Variants in CPNE1 observed in about 807,000 individuals in gnomAD.
CPNE1 encodes copine 1.
CPNE1 carries 58 observed loss-of-function variants against 63.2 expected under a neutral mutation model. The observed-to-expected ratio is 0.92, with a 90% CI of 0.74 to 1.14. The LOEUF (loss-of-function observed/expected upper bound fraction) is 1.14, where lower values mean the gene tolerates loss of function less well. Ranked by LOEUF, CPNE1 falls within the 50% of genes most tolerant of loss-of-function variation. The pLI is 0.00. For missense variants in CPNE1, 672 were observed against 661.7 expected, an observed-to-expected ratio of 1.02 and a Z score of -0.17; for synonymous variants, 237 against 249.0, an observed-to-expected ratio of 0.95 and a Z score of 0.45.
intron 13 of CPNE1, among the ~76,000 whole-genome samples, chr20:35,630,169 C>T (rs2032023475): frequency 6.6e-6 from 1 of 152,212 alleles, no homozygotes; most frequent in Admixed American, 6.5e-5. Context: ...TGGCAAGCGA[C>T]TGTAGTCCCA....
chr20:35,627,253 AC>A lies in CPNE1; in HGVS notation c.1236+26del, dbSNP rs1480691421. The A allele has an allele frequency of 1.9e-6, 3 of 1,572,538 alleles. No homozygotes were observed. In the African/African-American group the frequency reaches 4.2e-5, roughly 22 times the overall value. ...CTCAAGGAAGCCCTTGATTGCCACC[AC>A]TGCCACTGCCACCCACGACTCTCAC... On this transcript the variant is annotated intron_variant, in intron 14 of 15. Transcript: ENST00000397443.
At chr20:35,662,040 A>C (rs1281383119) in intron 1 of CPNE1, among the ~76,000 whole-genome samples, 1 of 152,188 alleles carries the variant, frequency 6.6e-6, no homozygotes, top group Admixed American at 6.5e-5. Flanking sequence ...TTTGTTCCCC[A>C]TTCCCAAATG....
chr20:35,635,003 CA>C (rs1459023192), intron 1 of CPNE1, among the ~76,000 whole-genome samples: 1 of 151,260 alleles, frequency 6.6e-6, no homozygotes, highest in Non-Finnish European at 1.5e-5. Context: ...CTCAGCCTCC[CA>C]AAGTCCTGGC....
intron 1 of CPNE1, among the ~76,000 whole-genome samples, chr20:35,634,345 A>G (rs2032360935): frequency 6.7e-6 from 1 of 149,254 alleles, no homozygotes; most frequent in Non-Finnish European, 1.5e-5. Flanking sequence ...GCTTAGAAAA[A>G]CTCCAAACTT....
intron 1 of CPNE1, among the ~76,000 whole-genome samples, chr20:35,643,994 GATTAAA>G: frequency 6.6e-6 from 1 of 152,224 alleles, no homozygotes; most frequent in South Asian, 2.1e-4. Flanking sequence ...AAGCATCCAT[GATTAAA>G]ACATCTTTGT....
intron 1 of CPNE1, chr20:35,651,368 T>G (rs567498101): frequency 6.6e-6 from 1 of 152,218 alleles, no homozygotes; most frequent in South Asian, 2.1e-4. Flanking sequence ...GCTGCACTTG[T>G]ACTCTGTATG....
intron 1 of CPNE1, among the ~76,000 whole-genome samples, chr20:35,662,850 C>T (rs2034309671): frequency 6.6e-6 from 1 of 152,176 alleles, no homozygotes; most frequent in Non-Finnish European, 1.5e-5. Context: ...CTGGTATTAG[C>T]ATGTAACAAT....
chr20:35,649,933 T>C (rs926705691), intron 1 of CPNE1: 2 of 152,472 alleles, frequency 1.3e-5, no homozygotes, highest in African/African-American at 4.8e-5. Context: ...AAATCCTTCA[T>C]ACCATACAAA....
At chr20:35,663,047 CTTCA>C (rs1601502246) in intron 1 of CPNE1, among the ~76,000 whole-genome samples, 1 of 152,188 alleles carries the variant, frequency 6.6e-6, no homozygotes, top group Non-Finnish European at 1.5e-5. Context: ...CTAAGCACAT[CTTCA>C]TTGTTTTGTA....
rs1373402579 is a variant in CPNE1, at chr20:35,645,074, T to TA, written c.1-12152_1-12151insT. Reference sequence around the variant, plus strand: ...CAACAGTACTATACCGCCTTCCTGATGATCTCCAGGACTGAGGCATCACCA... The same window carrying TA: ...CAACAGTACTATACCGCCTTCCTGATAGATCTCCAGGACTGAGGCATCACCA... On this transcript the variant is annotated intron_variant, in intron 1 of 15. Transcript: ENST00000397443. Among the ~76,000 whole-genome samples, 15 of 152,330 alleles carry TA rather than the reference T, an allele frequency of 9.8e-5. No individual in the cohort carries two copies. The East Asian group carries it at 2.9e-3, about 29-fold the overall frequency.
intron 1 of CPNE1, among the ~76,000 whole-genome samples, chr20:35,661,492 G>C (rs2034228996): frequency 6.6e-6 from 1 of 152,210 alleles, no homozygotes; most frequent in Non-Finnish European, 1.5e-5. Flanking sequence ...AAATGGGCCT[G>C]ATTTGTCATT....
At chr20:35,627,461 C>T (rs921351437) in intron 13 of CPNE1, 48 bp from the exon 14 acceptor site, 12 of 1,592,726 alleles carry the variant, frequency 7.5e-6, no homozygotes, top group Non-Finnish European at 1.0e-5. Flanking sequence ...CCTCTCAGGA[C>T]TACACCAGTC....
chr20:35,657,678 G>A (rs2033978466), intron 1 of CPNE1, among the ~76,000 whole-genome samples: 1 of 152,190 alleles, frequency 6.6e-6, no homozygotes, highest in African/African-American at 2.4e-5. Context: ...CAGCTGGAAA[G>A]GGCTGAATAT....
Position 35,652,673 on chromosome 20 carries a change from C to T in CPNE1, c.-1+12087G>A, listed in dbSNP as rs1435753617. 4 of 1,614,012 alleles carry T rather than the reference C, an allele frequency of 2.5e-6. No homozygotes were observed. The African/African-American group carries it at 5.3e-5, about 22-fold the overall frequency. ...TCATTGTATTTTAAACACACTGAGC[C>T]TGGGATTACTTGATAGCCATAAAAG... On this transcript the variant is annotated intron_variant, in intron 1 of 15. Coordinates refer to ENST00000397443, the MANE Select transcript of CPNE1 (RefSeq NM_152925.3).
intron 1 of CPNE1, among the ~76,000 whole-genome samples, chr20:35,662,189 A>T (rs2146383672): frequency 6.6e-6 from 1 of 152,306 alleles, no homozygotes. Context: ...ATCAGAAGAC[A>T]TTTCTAAATA....
chr20:35,646,030 C>T (rs1036398660), intron 1 of CPNE1, among the ~76,000 whole-genome samples: 2 of 151,676 alleles, frequency 1.3e-5, no homozygotes, highest in African/African-American at 2.4e-5. Context: ...ATCACTTGAG[C>T]CCCGGAGTTC....
At chr20:35,652,485 C>A (rs1262256294) in intron 1 of CPNE1, 1 of 1,565,336 alleles carries the variant, frequency 6.4e-7, no homozygotes. Context: ...TTAATCACAG[C>A]AATATGAAGA....
At chr20:35,633,114 C>G (rs1568914778) in intron 1 of CPNE1, among the ~76,000 whole-genome samples, 191 bp from the exon 2 acceptor site, 1 of 152,116 alleles carries the variant, frequency 6.6e-6, no homozygotes, top group Non-Finnish European at 1.5e-5. Context: ...CTCACTGGCA[C>G]AGAAGATGGC....
At chr20:35,632,105 C>T in intron 5 of CPNE1, 58 bp downstream of exon 5, 19 of 1,602,550 alleles carry the variant, frequency 1.2e-5, no homozygotes, top group East Asian at 4.5e-5. Context: ...CCCCATCCCC[C>T]ATACACCATC....
Sources: allele counts gnomAD v4.1 joint callset (sites outside exome capture counted in the v4.1 genomes callset), GRCh38; gene constraint gnomAD v4.1.1; transcripts MANE v1.5; gene names NCBI Gene and HGNC (gene_info 2026-07-23, HGNC 2026-07-21).